Variants in NLGN1 observed in about 807,000 individuals in gnomAD.
NLGN1 encodes the protein neuroligin 1.
A neutral mutation model predicts 65.5 loss-of-function variants in NLGN1; 12 were observed. The ratio of observed to expected loss-of-function variants is 0.18; its 90% confidence interval spans 0.12 to 0.30. NLGN1 has a LOEUF of 0.30. Among genes scored for constraint, NLGN1 ranks in the 10% least tolerant of loss-of-function variants. The pLI, the probability that NLGN1 is intolerant of heterozygous loss-of-function variation, is 1.00. For missense variants in NLGN1, 750 were observed against 1,007.1 expected (o/e 0.74, Z 3.46); for synonymous variants, 350 against 359.5 (o/e 0.97, Z 0.30).
At chr3:173,904,534 A>ACCACAAAT (rs1210861975) in intron 4 of NLGN1, among the ~76,000 whole-genome samples, 1 of 151,644 alleles carries the variant, frequency 6.6e-6, no homozygotes, top group African/African-American at 2.4e-5. Context: ...TTTAGTTTCA[A>ACCACAAAT]GTGCATAACC....
chr3:173,429,111 C>T (rs183157680), intron 1 of NLGN1, among the ~76,000 whole-genome samples: 2 of 152,238 alleles, frequency 1.3e-5, no homozygotes, highest in Admixed American at 1.3e-4. Context: ...TCAACTCCCT[C>T]CTGGCGGTCG....
At chr3:173,560,144 C>T (rs1324503185) in intron 2 of NLGN1, among the ~76,000 whole-genome samples, 2 of 151,822 alleles carry the variant, frequency 1.3e-5, no homozygotes, top group African/African-American at 2.4e-5. Flanking sequence ...GGGGTTTCAC[C>T]GCGGTCTCGA....
chr3:174,156,451 C>T lies in NLGN1; in HGVS notation c.647-118864C>T, dbSNP rs976103678. ...GCCCATTCTCGAAATGAAAGTAAGA[C>T]GATGTTATTTGAATGGAACACTTGG... On this transcript the variant is annotated intron_variant, in intron 4 of 6. Coordinates refer to ENST00000457714, the Ensembl canonical transcript of NLGN1. Among the ~76,000 whole-genome samples the T allele has an allele frequency of 2.6e-5, 4 of 151,582 alleles. No homozygotes were observed. In the East Asian group the frequency reaches 7.8e-4, roughly 29 times the overall value.
intron 3 of NLGN1, among the ~76,000 whole-genome samples, chr3:173,659,007 T>C (rs1354787009): frequency 1.3e-5 from 2 of 152,030 alleles, no homozygotes; most frequent in Non-Finnish European, 2.9e-5. Flanking sequence ...ACAATTGTTT[T>C]GGTCTTCTCT....
intron 4 of NLGN1, among the ~76,000 whole-genome samples, chr3:174,110,606 A>G (rs1473283227): frequency 2.0e-5 from 3 of 152,002 alleles, no homozygotes; most frequent in African/African-American, 7.2e-5. Flanking sequence ...CCAAGTGCAT[A>G]GTGGGTACTT....
Position 173,967,534 on chromosome 3 carries a change from G to A in NLGN1, c.646+159702G>A, listed in dbSNP as rs572982191. 3.3e-5 allele frequency among the ~76,000 whole-genome samples: 5 copies of A among 152,142 alleles called. No homozygotes were observed. The South Asian group carries it at 8.3e-4, about 25-fold the overall frequency. ...AGGTGATTTTTCACTCCTAAGTTAC[G>A]CCAAACTATCCTGTAACCTCTCTTT... On this transcript the variant is annotated intron_variant, in intron 4 of 6. Transcript: ENST00000457714.
At chr3:173,433,681 G>A (rs1717601993) in intron 1 of NLGN1, among the ~76,000 whole-genome samples, 1 of 151,752 alleles carries the variant, frequency 6.6e-6, no homozygotes, top group Non-Finnish European at 1.5e-5. Context: ...TTTGTATGTT[G>A]AGTGTTTAAT....
chr3:173,730,602 C>T (rs1450495123), intron 3 of NLGN1, among the ~76,000 whole-genome samples: 4 of 152,050 alleles, frequency 2.6e-5, no homozygotes, highest in Non-Finnish European at 4.4e-5. Flanking sequence ...AGCTAGTGGT[C>T]ACTGTACTGG....
intron 4 of NLGN1, among the ~76,000 whole-genome samples, chr3:174,234,781 T>C (rs1436138752): frequency 6.6e-6 from 1 of 152,174 alleles, no homozygotes; most frequent in Admixed American, 6.5e-5. Flanking sequence ...ATATGAAATT[T>C]AGTCATTCCA....
At chr3:173,641,498 T>C (rs1757417628) in intron 3 of NLGN1, among the ~76,000 whole-genome samples, 1 of 152,154 alleles carries the variant, frequency 6.6e-6, no homozygotes, top group Non-Finnish European at 1.5e-5. Context: ...GGTTTCGCCA[T>C]GTTGGCCCGG....
At chr3:174,132,300 A>T (rs770386350) in intron 4 of NLGN1, among the ~76,000 whole-genome samples, 2 of 152,210 alleles carry the variant, frequency 1.3e-5, no homozygotes, top group Non-Finnish European at 2.9e-5. Flanking sequence ...TCAGAAGATT[A>T]AATAAAATAG....
At chr3:173,451,570 A>G (rs1200550733) in intron 2 of NLGN1, among the ~76,000 whole-genome samples, 1 of 152,166 alleles carries the variant, frequency 6.6e-6, no homozygotes, top group Non-Finnish European at 1.5e-5. Flanking sequence ...TGGGAGAACC[A>G]CTACTCTCTT....
At chr3:173,708,962 G>A (rs1381814449) in intron 3 of NLGN1, among the ~76,000 whole-genome samples, 3 of 152,128 alleles carry the variant, frequency 2.0e-5, no homozygotes, top group Admixed American at 6.5e-5. Flanking sequence ...CGTTATTTCC[G>A]TGTGTTGTGG....
At chr3:174,232,546 C>T (rs955198232) in intron 4 of NLGN1, among the ~76,000 whole-genome samples, 3 of 152,104 alleles carry the variant, frequency 2.0e-5, no homozygotes, top group African/African-American at 4.8e-5. Flanking sequence ...TACATGGGAC[C>T]CTTCAGAATG....
intron 2 of NLGN1, among the ~76,000 whole-genome samples, chr3:173,465,852 T>G (rs1724256381): frequency 6.6e-6 from 1 of 152,084 alleles, no homozygotes; most frequent in African/African-American, 2.4e-5. Context: ...CCATCGACAG[T>G]GTGAAGTATT....
At chr3:174,060,722 C>T (rs916530710) in intron 4 of NLGN1, among the ~76,000 whole-genome samples, 11 of 152,124 alleles carry the variant, frequency 7.2e-5, no homozygotes, top group African/African-American at 2.7e-4. Context: ...AATGAGATTT[C>T]GAGGTGCTTT....
chr3:173,481,703 G>A (rs972104854), intron 2 of NLGN1, among the ~76,000 whole-genome samples: 1 of 151,856 alleles, frequency 6.6e-6, no homozygotes, highest in African/African-American at 2.4e-5. Context: ...TAGCTGCTTA[G>A]ATGTTGAAAT....
intron 4 of NLGN1, among the ~76,000 whole-genome samples, chr3:174,052,543 C>T (rs900431068): frequency 1.3e-5 from 2 of 151,928 alleles, no homozygotes; most frequent in African/African-American, 4.8e-5. Context: ...TAACATTATA[C>T]TTCAATGCAC....
chr3:173,899,635 A>G (rs949748264), intron 4 of NLGN1, among the ~76,000 whole-genome samples: 1 of 152,088 alleles, frequency 6.6e-6, no homozygotes, highest in African/African-American at 2.4e-5. Flanking sequence ...AGGAAATCCA[A>G]ATTTTCCATT....
Sources: allele counts gnomAD v4.1 joint callset (sites outside exome capture counted in the v4.1 genomes callset), GRCh38; gene constraint gnomAD v4.1.1; transcripts MANE v1.5; gene names NCBI Gene and HGNC (gene_info 2026-07-23, HGNC 2026-07-21).